Variants in MYO16 observed in about 807,000 individuals in gnomAD.
MYO16 encodes the protein unconventional myosin-XVI.
A neutral mutation model predicts 205.3 loss-of-function variants in MYO16; 94 were observed. The ratio of observed to expected loss-of-function variants is 0.46; its 90% CI spans 0.39 to 0.54. The LOEUF is 0.54. Among genes scored for constraint, MYO16 ranks in the 20% least tolerant of loss-of-function variants. The probability of loss-of-function intolerance (pLI) is 0.00; values close to 1 mark genes in which losing one functional copy is unlikely to be tolerated. For synonymous variants in MYO16, 988 were observed against 954.0 expected (o/e 1.04, Z -0.66); for missense variants, 2,315 against 2,387.5 (o/e 0.97, Z 0.63).
chr13:108,686,321 C>G (rs144980290), intron 2 of MYO16, among the ~76,000 whole-genome samples: 3 of 152,292 alleles, frequency 2.0e-5, no homozygotes, highest in Admixed American at 1.3e-4. Context: ...TTTAAGTAGG[C>G]CTTTCCATGT....
intron 31 of MYO16, among the ~76,000 whole-genome samples, chr13:109,139,621 T>A (rs1876941289): frequency 6.6e-6 from 1 of 152,168 alleles, no homozygotes; most frequent in African/African-American, 2.4e-5. Flanking sequence ...AGAGCTGAGC[T>A]CTCCGAAAAA....
rs138724573 is a variant in MYO16, at chr13:108,787,641, A to AAAAAC, written c.616+1921_616+1925dup. Among the ~76,000 whole-genome samples the AAAAAC allele has an allele frequency of 4.1e-4, 63 of 151,812 alleles. 1 individual carries two copies. The South Asian group carries it at 9.1e-3, about 22-fold the overall frequency. ...AGGCTGATATTAAAAAGGAGTATGC[A>AAAAAC]AAAACAAAACAAAACAAAACAAAAC... is the stretch of plus-strand genomic sequence containing the variant. On this transcript the variant is annotated intron_variant, in intron 5 of 34. Coordinates refer to ENST00000457511, the MANE Select transcript of MYO16 (RefSeq NM_001198950.3).
chr13:109,207,070 C>A lies in MYO16; in HGVS notation c.*234C>A. The A allele has an allele frequency of 2.0e-6, 1 of 503,130 alleles. No homozygotes were observed. The highest frequency in any genetic ancestry group is 3.6e-6 in the Non-Finnish European group (1 of 279,220). 31.2% of individuals were successfully genotyped at this position (503,130 alleles called of 1,614,324 possible). The stretch of plus-strand genomic sequence containing the variant: ...GGTGATACACTCTGATTTTCAAGCT[C>A]CTCATTTACGGCTCTGTGCTACCCC... On this transcript the variant is annotated 3_prime_UTR_variant, in exon 35 of 35. Coordinates refer to ENST00000457511, the MANE Select transcript of MYO16 (RefSeq NM_001198950.3).
intron 21 of MYO16, among the ~76,000 whole-genome samples, chr13:108,993,630 T>C (rs1156259950): frequency 6.6e-6 from 1 of 152,136 alleles, no homozygotes; most frequent in African/African-American, 2.4e-5. Flanking sequence ...AGGCAATAGA[T>C]CTCTTCTCCT....
chr13:109,015,159 T>C (rs550334656), intron 22 of MYO16, among the ~76,000 whole-genome samples: 1 of 152,172 alleles, frequency 6.6e-6, no homozygotes, highest in South Asian at 2.1e-4. Context: ...TTATTGAGAG[T>C]TTTTAGCATG....
Position 108,700,546 on chromosome 13 carries a change from C to T in MYO16, c.293-12115C>T, listed in dbSNP as rs143627347. 8.4e-3 allele frequency among the ~76,000 whole-genome samples: 1,275 copies of T among 152,198 alleles called. 21 individuals are homozygous for T. Among genetic ancestry groups the T allele is most frequent in the African/African-American group, 0.028 (1,176 of 41,520 alleles). ...CCTCGGAGCCACTGGTGGCTGCAGA[C>T]TGGGTTTGGATCTCCTCCAAAAACA... On this transcript the variant is annotated intron_variant, in intron 2 of 34. Coordinates refer to ENST00000457511, the MANE Select transcript of MYO16 (RefSeq NM_001198950.3).
chr13:108,685,352 A>G (rs1202949968), intron 2 of MYO16, among the ~76,000 whole-genome samples: 2 of 152,122 alleles, frequency 1.3e-5, no homozygotes, highest in African/African-American at 4.8e-5. Flanking sequence ...GTTGGTCAGA[A>G]GTACTGGCTA....
chr13:108,835,088 A>AT (rs1013939872), intron 9 of MYO16, among the ~76,000 whole-genome samples: 10 of 88,502 alleles, frequency 1.1e-4, no homozygotes, highest in Admixed American at 6.8e-4. Context: ...ATTACTTAGA[A>AT]TTTTTTTTTT....
At chr13:109,091,725 A>G (rs1372405178) in intron 27 of MYO16, among the ~76,000 whole-genome samples, 1 of 152,110 alleles carries the variant, frequency 6.6e-6, no homozygotes, top group East Asian at 1.9e-4. Flanking sequence ...TTCTCTGCCA[A>G]TCCTCCAATA....
At chr13:108,789,232 C>T (rs569019798) in intron 5 of MYO16, among the ~76,000 whole-genome samples, 3 of 152,262 alleles carry the variant, frequency 2.0e-5, no homozygotes, top group East Asian at 1.9e-4. Context: ...TCTCCCATAT[C>T]GTCATGTCTG....
chr13:108,666,384 A>ATT (rs200156824), intron 2 of MYO16, among the ~76,000 whole-genome samples: 2 of 148,522 alleles, frequency 1.3e-5, no homozygotes, highest in East Asian at 2.0e-4. Context: ...GTGAGATTGT[A>ATT]TTTTTTTTTT....
At chr13:108,695,310 T>C (rs1469033650) in intron 2 of MYO16, among the ~76,000 whole-genome samples, 1 of 152,200 alleles carries the variant, frequency 6.6e-6, no homozygotes, top group Non-Finnish European at 1.5e-5. Context: ...CTTGGAACCC[T>C]TGTTGAAAAT....
intron 3 of MYO16, among the ~76,000 whole-genome samples, chr13:108,723,176 A>C (rs1884225771): frequency 6.6e-6 from 1 of 152,092 alleles, no homozygotes; most frequent in African/African-American, 2.4e-5. Context: ...GAGAGATTAA[A>C]TATTTTGCCT....
At chr13:109,070,010 C>G (rs1887877430) in intron 27 of MYO16, among the ~76,000 whole-genome samples, 1 of 152,148 alleles carries the variant, frequency 6.6e-6, no homozygotes, top group Non-Finnish European at 1.5e-5. Context: ...AGAAATCTGT[C>G]TCTAGTCTTC....
chr13:108,856,921 T>C (rs768619156), intron 11 of MYO16, among the ~76,000 whole-genome samples: 9 of 152,160 alleles, frequency 5.9e-5, no homozygotes, highest in Non-Finnish European at 1.2e-4. Flanking sequence ...CTCCCAGTCT[T>C]GAATCTTCTC....
chr13:108,527,857 A>G, the MYO16 span, among the ~76,000 whole-genome samples: 23 of 152,310 alleles, frequency 1.5e-4, no homozygotes, highest in South Asian at 1.0e-3. Flanking sequence ...AACATTTCTA[A>G]GTTAGCAGTA....
chr13:109,088,594 A>AC (rs1888516739), intron 27 of MYO16, among the ~76,000 whole-genome samples: 1 of 151,672 alleles, frequency 6.6e-6, no homozygotes. Context: ...GGGAGGAGAG[A>AC]CCCCCTGGCT....
intron 2 of MYO16, among the ~76,000 whole-genome samples, chr13:108,703,244 A>G (rs1189222100): frequency 6.6e-6 from 1 of 152,196 alleles, no homozygotes; most frequent in Non-Finnish European, 1.5e-5. Context: ...ATACCATTCA[A>G]AAAGTAACCC....
At chr13:108,580,132 T>C in the MYO16 span, among the ~76,000 whole-genome samples, 1 of 152,196 alleles carries the variant, frequency 6.6e-6, no homozygotes, top group Non-Finnish European at 1.5e-5. Flanking sequence ...AAAAGAGTTC[T>C]AATTAATGTC....
Sources: allele counts gnomAD v4.1 joint callset (sites outside exome capture counted in the v4.1 genomes callset), GRCh38; gene constraint gnomAD v4.1.1; transcripts MANE v1.5; gene names NCBI Gene and HGNC (gene_info 2026-07-23, HGNC 2026-07-21).